AGBL3: variants seen among roughly 807,000 people sequenced by gnomAD.
AGBL3 encodes AGBL carboxypeptidase 3.
A neutral mutation model predicts 94.5 loss-of-function variants in AGBL3; 68 were observed. The observed-to-expected ratio is 0.72, with a 90% CI of 0.59 to 0.88. The LOEUF (loss-of-function observed/expected upper bound fraction) is 0.88, where lower values mean the gene tolerates loss of function less well. AGBL3 is among the 40% of genes least tolerant of loss of function. The pLI, the probability that AGBL3 is intolerant of heterozygous loss-of-function variation, is 0.00. For synonymous variants in AGBL3, 354 were observed against 370.7 expected (o/e 0.95, Z 0.52); for missense variants, 934 against 1,103.8 (o/e 0.85, Z 2.18).
At chr7:135,096,414 G>GCAAA (rs200230384) in intron 15 of AGBL3, among the ~76,000 whole-genome samples, 1 of 147,162 alleles carries the variant, frequency 6.8e-6, no homozygotes, top group Non-Finnish European at 1.5e-5. Flanking sequence ...GAGGAAGGAA[G>GCAAA]GAAAGAAAGA....
chr7:135,041,369 A>G (rs1280488487), intron 8 of AGBL3, among the ~76,000 whole-genome samples: 1 of 152,216 alleles, frequency 6.6e-6, no homozygotes, highest in Non-Finnish European at 1.5e-5. Context: ...GACAGTATAA[A>G]ACTACAGTAA....
intron 16 of AGBL3, among the ~76,000 whole-genome samples, chr7:135,123,261 T>C (rs183370427): frequency 5.3e-5 from 8 of 152,176 alleles, no homozygotes; most frequent in African/African-American, 1.4e-4. Flanking sequence ...CAAGTATCAA[T>C]AGCCGAATCG....
intron 15 of AGBL3, chr7:135,094,687 A>G (rs1822386714): frequency 2.7e-6 from 1 of 363,912 alleles, no homozygotes; most frequent in Non-Finnish European, 5.4e-6. Flanking sequence ...GAGAAAATCA[A>G]TAGGTTAGAG....
chr7:135,133,963 A>G (rs1256849639), intron 16 of AGBL3, among the ~76,000 whole-genome samples: 1 of 152,080 alleles, frequency 6.6e-6, no homozygotes, highest in African/African-American at 2.4e-5. Context: ...GAAAAAAAAA[A>G]GCTGATCCTA....
At chr7:135,070,447 C>T (rs1174365041) in intron 12 of AGBL3, among the ~76,000 whole-genome samples, 4 of 152,186 alleles carry the variant, frequency 2.6e-5, no homozygotes, top group Admixed American at 2.6e-4. Context: ...GACCAATATC[C>T]TTGATGAACA....
At chr7:135,009,642 C>A (rs6971409) in intron 4 of AGBL3, among the ~76,000 whole-genome samples, 1 of 152,128 alleles carries the variant, frequency 6.6e-6, no homozygotes, top group African/African-American at 2.4e-5. Flanking sequence ...CCCTCCCCAA[C>A]ACAACACCAC....
rs1817271025 is a variant in AGBL3 at position 135,045,483 on chromosome 7, G to A, written c.1637G>A (p.Arg546Gln). Residue 546 changes from arginine (R) to glutamine (Q), a missense_variant, in exon 10 of 17, where the codon CGA becomes CAA. Physicochemically the swap from Arg to Gln is conservative, Grantham distance 43. Transcript: ENST00000436302. Reference protein sequence around the residue: ...TFCGSTLGNKRGTHFSTKDLE... With the variant: ...TFCGSTLGNKQGTHFSTKDLE... ...CTTATTGATGTTTTAGGTAACAAAC[G>A]AGGCACTCATTTCAGCACGAAAGAC... The A allele has an allele frequency of 6.4e-7, 1 of 1,550,792 alleles. No individual in the cohort carries two copies. The highest frequency in any genetic ancestry group is 1.4e-5 in the African/African-American group (1 of 72,968).
At chr7:135,086,896 T>C (rs1234478677) in intron 15 of AGBL3, among the ~76,000 whole-genome samples, 1 of 152,036 alleles carries the variant, frequency 6.6e-6, no homozygotes. Flanking sequence ...CATCTTCAAT[T>C]TTCTAAAAGA....
At chr7:135,053,225 T>C (rs1203363520) in intron 11 of AGBL3, among the ~76,000 whole-genome samples, 1 of 152,144 alleles carries the variant, frequency 6.6e-6, no homozygotes, top group African/African-American at 2.4e-5. Context: ...TGAAGCTGAC[T>C]TTCAGGACAA....
intron 8 of AGBL3, among the ~76,000 whole-genome samples, chr7:135,043,259 T>A (rs1290408373): frequency 6.6e-6 from 1 of 152,164 alleles, no homozygotes; most frequent in Non-Finnish European, 1.5e-5. Flanking sequence ...ATGGGTACTA[T>A]TCAGGCATAA....
At chr7:135,074,158 T>TA (rs1322488565) in intron 12 of AGBL3, among the ~76,000 whole-genome samples, 1 of 152,202 alleles carries the variant, frequency 6.6e-6, no homozygotes, top group Non-Finnish European at 1.5e-5. Flanking sequence ...TCAAAATGTA[T>TA]ACTTAAAACA....
At chr7:135,027,841 ATGAACCC>A (rs2116375282) in intron 5 of AGBL3, among the ~76,000 whole-genome samples, 1 of 151,768 alleles carries the variant, frequency 6.6e-6, no homozygotes, top group African/African-American at 2.4e-5. Flanking sequence ...AAAATTTCAC[ATGAACCC>A]TATATATTTG....
chr7:135,075,200 A>T lies in AGBL3; in HGVS notation c.1909-1197A>T, dbSNP rs79805090. On this transcript the variant is annotated intron_variant, in intron 12 of 16. Transcript: ENST00000436302. ...TAAGGATCCCTCATATTGCCCTCTT[A>T]AAGCCATACCCACTCCCTCCTGTCC... Among the ~76,000 whole-genome samples the T allele has an allele frequency of 9.8e-3, 1,493 of 152,248 alleles. 20 individuals carry two copies. Among genetic ancestry groups the T allele is most frequent in the African/African-American group, 0.034 (1,408 of 41,528 alleles).
chr7:135,118,978 G>A (rs1223610053), intron 16 of AGBL3, among the ~76,000 whole-genome samples: 1 of 152,002 alleles, frequency 6.6e-6, no homozygotes, highest in African/African-American at 2.4e-5. Flanking sequence ...GAACATAAGA[G>A]AAAAAATAGG....
At chr7:135,128,807 A>G in intron 16 of AGBL3, 1 of 1,184,282 alleles carries the variant, frequency 8.4e-7, no homozygotes, top group Non-Finnish European at 1.3e-6. Flanking sequence ...GACCAAGAGG[A>G]AACTGTGGAT....
chr7:135,116,266 A>G (rs970593498), intron 16 of AGBL3, among the ~76,000 whole-genome samples: 1 of 152,230 alleles, frequency 6.6e-6, no homozygotes, highest in African/African-American at 2.4e-5. Context: ...GCCAATATGT[A>G]GTGGAATCTG....
chr7:135,045,507 A>G lies in AGBL3; in HGVS notation c.1661A>G (p.Asp554Gly). The G allele has an allele frequency of 6.4e-7, 1 of 1,551,250 alleles. No homozygotes were observed. Among genetic ancestry groups the G allele is most frequent in the Non-Finnish European group, 8.7e-7 (1 of 1,146,628 alleles). ...NKRGTHFSTKDLESMGYHFCD... is the reference protein window; with the variant it reads ...NKRGTHFSTKGLESMGYHFCD... Reference sequence around the variant, plus strand: ...CGAGGCACTCATTTCAGCACGAAAGACCTGGAATCAATGGGATATCATTTT... The same window carrying G: ...CGAGGCACTCATTTCAGCACGAAAGGCCTGGAATCAATGGGATATCATTTT... Residue 554 changes from aspartate to glycine, a missense_variant, in exon 10 of 17, where the codon GAC becomes GGC. This residue lies in a region of AGBL3 where 441 missense variants were observed against 518.2 expected (regional missense o/e 0.85). Coordinates refer to ENST00000436302, the MANE Select transcript of AGBL3 (RefSeq NM_178563.4).
intron 12 of AGBL3, among the ~76,000 whole-genome samples, chr7:135,063,262 T>C (rs1480746239): frequency 6.6e-6 from 1 of 152,104 alleles, no homozygotes; most frequent in Non-Finnish European, 1.5e-5. Context: ...AGTCTAGCTA[T>C]AGATTTGTCC....
intron 15 of AGBL3, among the ~76,000 whole-genome samples, chr7:135,089,104 C>T (rs546233838): frequency 6.6e-6 from 1 of 151,904 alleles, no homozygotes; most frequent in East Asian, 1.9e-4. Flanking sequence ...TTTCAGACTA[C>T]CTGTCTTTAA....
Sources: allele counts gnomAD v4.1 joint callset (sites outside exome capture counted in the v4.1 genomes callset), GRCh38; gene constraint gnomAD v4.1.1; regional missense constraint gnomAD v4.1.1; transcripts MANE v1.5; gene names NCBI Gene and HGNC (gene_info 2026-07-23, HGNC 2026-07-21).